Variants in POLA2 observed in about 807,000 individuals in gnomAD.
POLA2 encodes the protein DNA polymerase alpha 2, accessory subunit.
A neutral mutation model predicts 82.8 loss-of-function variants in POLA2; 47 were observed. That is an observed-to-expected ratio of 0.57 (90% CI 0.45 to 0.72). The LOEUF is 0.72. Ranked by LOEUF, POLA2 falls within the 30% of genes least tolerant of loss-of-function variation. The probability of loss-of-function intolerance (pLI) is 0.00; values close to 1 mark genes in which losing one functional copy is unlikely to be tolerated. For synonymous variants in POLA2, 287 were observed against 286.8 expected (o/e 1.00, Z -0.01); for missense variants, 634 against 728.1 (o/e 0.87, Z 1.49).
intron 4 of POLA2, among the ~76,000 whole-genome samples, chr11:65,269,152 A>G (rs1949494357): frequency 1.3e-5 from 2 of 152,118 alleles, no homozygotes; most frequent in Admixed American, 6.5e-5. Flanking sequence ...CAGTTTCCTT[A>G]TCCATAATAT....
At chr11:65,289,017 G>C in intron 11 of POLA2, 33 bp from the exon 12 acceptor site, 1 of 1,604,188 alleles carries the variant, frequency 6.2e-7, no homozygotes, top group Non-Finnish European at 8.5e-7. Flanking sequence ...ATTCTGATTT[G>C]TTCTTTTGGT....
intron 5 of POLA2, among the ~76,000 whole-genome samples, chr11:65,277,515 G>A (rs3782093): frequency 0.28 from 42,878 of 152,142 alleles, 7,501 homozygotes; most frequent in Admixed American, 0.39. Flanking sequence ...CTTTAGGGTA[G>A]TCTACTGCTG....
At chr11:65,277,645 T>C (rs965408059) in intron 5 of POLA2, among the ~76,000 whole-genome samples, 4 of 152,224 alleles carry the variant, frequency 2.6e-5, no homozygotes. Context: ...AGTTATATTC[T>C]CCAAATGTCA....
chr11:65,266,706 G>C lies in POLA2; in HGVS notation c.204G>C (p.Glu68Asp). ...AGATCCTGAACTCTTTTGAGCATGA[G>C]GTAAGAACAAAATGAAAGCAAACTA... is the stretch of plus-strand genomic sequence containing the variant. ...TSEILNSFEH[E>D]FLSKRLSKAR... Residue 68 changes from glutamate to aspartate, a missense_variant and splice_region_variant, in exon 2 of 18, where the codon GAG becomes GAC. Physicochemically the swap from Glu to Asp is conservative, Grantham distance 45 (BLOSUM62 2). Coordinates refer to ENST00000265465, the MANE Select transcript of POLA2 (RefSeq NM_002689.4). 6.2e-7 allele frequency: 1 copy of C among 1,614,036 alleles called. No homozygotes were observed. The highest frequency in any genetic ancestry group is 8.5e-7 in the Non-Finnish European group (1 of 1,179,946).
intron 16 of POLA2, 42 bp from the exon 17 acceptor site, chr11:65,295,822 C>T (rs1209032441): frequency 1.9e-6 from 3 of 1,592,252 alleles, no homozygotes; most frequent in Non-Finnish European, 2.6e-6. Flanking sequence ...GAAGGGGGCC[C>T]CCCGGTCAGC....
chr11:65,263,365 G>T (rs1433677750), intron 1 of POLA2, among the ~76,000 whole-genome samples: 1 of 151,452 alleles, frequency 6.6e-6, no homozygotes, highest in African/African-American at 2.4e-5. Flanking sequence ...GATTACAGGC[G>T]CCCGCCACCA....
At chr11:65,282,590 T>C (rs999541129) in intron 10 of POLA2, 69 bp downstream of exon 10, 34 of 1,336,384 alleles carry the variant, frequency 2.5e-5, no homozygotes, top group Non-Finnish European at 3.6e-5. Flanking sequence ...GAGTGCAGTT[T>C]CCCAAGCCCA....
intron 5 of POLA2, among the ~76,000 whole-genome samples, chr11:65,277,300 C>T (rs184262866): frequency 4.6e-5 from 7 of 151,976 alleles, no homozygotes; most frequent in African/African-American, 9.6e-5. Flanking sequence ...ACCTCAGCCT[C>T]CTGAGTAGCT....
At chr11:65,288,510 TTG>T (rs1949720826) in intron 11 of POLA2, among the ~76,000 whole-genome samples, 1 of 112,722 alleles carries the variant, frequency 8.9e-6, no homozygotes, top group African/African-American at 2.8e-5. Context: ...CGTTTGTTTT[TTG>T]TTTTTTTTTT....
intron 1 of POLA2, among the ~76,000 whole-genome samples, chr11:65,265,568 C>A (rs1949450970): frequency 6.6e-6 from 1 of 152,104 alleles, no homozygotes. Context: ...GCAGCCTCAA[C>A]CTCCTTGGCT....
rs747786814 is a variant in POLA2 at position 65,287,777 on chromosome 11, G to T, written c.1068G>T (p.Thr356=). 6 of 1,613,812 alleles carry T rather than the reference G, an allele frequency of 3.7e-6. No homozygotes were observed. Among genetic ancestry groups the T allele is most frequent in the Non-Finnish European group, 4.2e-6 (5 of 1,179,896 alleles). ...CATACACCACATCTGACAGCATCAC[G>T]TATGACCCCCTGCTTGACCTGATTG... ...CGPYTTSDSI[T]YDPLLDLIAV... Residue 356 remains threonine (T), a synonymous_variant, in exon 11 of 18, where the codon ACG becomes ACT. Transcript: ENST00000265465.
At chr11:65,294,705 C>A in intron 15 of POLA2, 53 bp downstream of exon 15, 3 of 1,257,488 alleles carry the variant, frequency 2.4e-6, no homozygotes, top group Non-Finnish European at 3.4e-6. Context: ...CTGGTCCCAG[C>A]CCTTTCTGCA....
intron 4 of POLA2, among the ~76,000 whole-genome samples, chr11:65,269,130 A>C (rs1438351418): frequency 6.6e-6 from 1 of 152,308 alleles, no homozygotes; most frequent in South Asian, 2.1e-4. Flanking sequence ...GAGTTGTTTT[A>C]TCTCTCTGAG....
Position 65,262,184 on chromosome 11 carries a change from G to A in POLA2, c.-109G>A, listed in dbSNP as rs531216355. The A allele has an allele frequency of 1.4e-5, 11 of 792,632 alleles. No homozygotes were observed. Among genetic ancestry groups the A allele is most frequent in the South Asian group, 4.4e-5 (3 of 67,522 alleles). 49.1% of individuals were successfully genotyped at this position (792,632 alleles called of 1,614,324 possible). ...TCACCTCCTGTCACGGTCCGCGGAG[G>A]GGGGAAGGATAAGAGGGCGAGGAGC... On this transcript the variant is annotated 5_prime_UTR_variant, in exon 1 of 18. Transcript: ENST00000265465.
intron 4 of POLA2, among the ~76,000 whole-genome samples, chr11:65,271,396 G>A (rs549964375): frequency 3.9e-5 from 6 of 152,118 alleles, no homozygotes; most frequent in Non-Finnish European, 8.8e-5. Context: ...ATCATATTCC[G>A]GAGTCTGACT....
chr11:65,299,772 A>G (rs755429097), downstream of POLA2, among the ~76,000 whole-genome samples: 4 of 151,756 alleles, frequency 2.6e-5, no homozygotes, highest in Non-Finnish European at 5.9e-5. Flanking sequence ...GCTCACTGCA[A>G]CCTCCACCTC....
In POLA2 at chr11:65,289,866, CAAG is replaced by C. The variant is rs562429388; in HGVS notation, c.1242_1244del (p.Arg414del). ...TGTCTACGAACAATTATTGAAGGCA[CAAG>C]AAGGTCAGATTTCAAAATACTGGAC... On this transcript the variant is annotated inframe_deletion, in exon 13 of 18. Coordinates refer to ENST00000265465, the MANE Select transcript of POLA2 (RefSeq NM_002689.4). The C allele has an allele frequency of 1.1e-5, 18 of 1,597,836 alleles. No homozygotes were observed. Among genetic ancestry groups the C allele is most frequent in the Non-Finnish European group, 1.5e-5 (18 of 1,165,336 alleles).
At chr11:65,274,894 C>T (rs182550842) in intron 4 of POLA2, among the ~76,000 whole-genome samples, 169 of 152,130 alleles carry the variant, frequency 1.1e-3, no homozygotes, top group Non-Finnish European at 2.2e-3. Flanking sequence ...GAGGTCTCGC[C>T]GTTGCCCAGG....
At chr11:65,269,431 G>A (rs1949497843) in intron 4 of POLA2, among the ~76,000 whole-genome samples, 1 of 151,314 alleles carries the variant, frequency 6.6e-6, no homozygotes, top group African/African-American at 2.4e-5. Context: ...AGCTTGCAGT[G>A]AGCCGAGATC....
Sources: gnomAD v4.1 joint callset for allele counts (sites outside exome capture counted in the v4.1 genomes callset) on GRCh38, gnomAD v4.1.1 for gene constraint, MANE v1.5 for transcripts, NCBI Gene and HGNC (gene_info 2026-07-23, HGNC 2026-07-21) for gene names.